Variants in PAOX observed in about 807,000 individuals in gnomAD.
PAOX encodes peroxisomal N(1)-acetyl-spermine/spermidine oxidase.
A neutral mutation model predicts 39.0 loss-of-function variants in PAOX; 38 were observed. The ratio of observed to expected loss-of-function variants is 0.97; its 90% CI spans 0.75 to 1.28. The LOEUF (loss-of-function observed/expected upper bound fraction) is 1.28. Among genes scored for constraint, PAOX ranks in the 50% most tolerant of loss-of-function variants. The pLI is 0.00. For synonymous variants in PAOX, 311 were observed against 314.4 expected (o/e 0.99, Z 0.11); for missense variants, 667 against 685.7 (o/e 0.97, Z 0.30).
chr10:133,383,887 C>T (rs948951334), intron 3 of PAOX, 73 bp from the exon 4 acceptor site: 15 of 1,518,338 alleles, frequency 9.9e-6, no homozygotes, highest in African/African-American at 1.4e-5. Flanking sequence ...ATTGCTGGAT[C>T]CAAGGTCTGG....
At chr10:133,385,331 T>C (rs1425379808) in intron 4 of PAOX, among the ~76,000 whole-genome samples, 2 of 151,016 alleles carry the variant, frequency 1.3e-5, no homozygotes, top group Non-Finnish European at 1.5e-5. Flanking sequence ...ATTCCAGGTG[T>C]TGAGATAGGC....
chr10:133,391,313 T>A lies in PAOX; in HGVS notation c.1394T>A (p.Leu465His). Reference sequence around the variant, plus strand: ...TCTAACCCTGGCTCTTCTTTGCAGCTCCAGATCCTGTTTGCGGGGGAAGCC... The same window carrying A: ...TCTAACCCTGGCTCTTCTTTGCAGCACCAGATCCTGTTTGCGGGGGAAGCC... ...PLPADGAGAQ[L>H]QILFAGEATH... is the part of the protein sequence containing the mutation. The change falls in exon 7 of 7, where the codon CTC (leucine) becomes CAC (histidine). Residue 465 changes from leucine (L) to histidine (H), a missense_variant and splice_region_variant. Coordinates refer to ENST00000278060, the MANE Select transcript of PAOX (RefSeq NM_152911.4). 6.2e-7 allele frequency: 1 copy of A among 1,613,508 alleles called. No individual in the cohort carries two copies.
In PAOX at chr10:133,391,473, T is replaced by G. The variant is rs1416869550; in HGVS notation, c.*18T>G. ...GGCTCTAGCTGGGCCCAGCCTACTC[T>G]GTTCCACCCGTGTCGGGGGTAGGCT... On this transcript the variant is annotated 3_prime_UTR_variant, in exon 7 of 7. Transcript: ENST00000278060. 1 of 1,598,672 alleles carries G rather than the reference T, an allele frequency of 6.3e-7. No homozygotes were observed. The highest frequency in any genetic ancestry group is 8.5e-7 in the Non-Finnish European group (1 of 1,172,090).
At chr10:133,381,966 T>C (rs907069793) in intron 3 of PAOX, among the ~76,000 whole-genome samples, 1 of 139,008 alleles carries the variant, frequency 7.2e-6, no homozygotes, top group African/African-American at 2.6e-5. Context: ...GGAAAAGGCA[T>C]GAAAGGCCTG....
chr10:133,390,825 C>T lies in PAOX; in HGVS notation c.1393-487C>T. 2 of 495,752 alleles carry T rather than the reference C, an allele frequency of 4.0e-6. 1 individual carries two copies. 30.7% of individuals were successfully genotyped at this position (495,752 alleles called of 1,614,324 possible). On this transcript the variant is annotated intron_variant, in intron 6 of 6. Transcript: ENST00000278060. ...CTCTGCCCACCCGACTCCCAGATCC[C>T]TCCCCCACCCTCCCCATATGTGATC...
intron 4 of PAOX, among the ~76,000 whole-genome samples, chr10:133,386,101 T>C (rs894173009): frequency 2.0e-5 from 3 of 150,994 alleles, no homozygotes; most frequent in Non-Finnish European, 4.4e-5. Context: ...CTCAGCTCAC[T>C]GCAACCTCTG....
rs59249557 is a variant in PAOX, at chr10:133,390,410, CCACACACACA to C, written c.1392+690_1392+699del. On this transcript the variant is annotated intron_variant, in intron 6 of 6. Transcript: ENST00000278060. ...TGGGCAACATAGTGAGAGTCGGTCT[CCACACACACA>C]CACACACACACACACACACACACAC... is the stretch of plus-strand genomic sequence containing the variant. Among the ~76,000 whole-genome samples the C allele has an allele frequency of 8.0e-3, 1,159 of 145,412 alleles. 14 individuals are homozygous for C. The highest frequency in any genetic ancestry group is 0.027 in the African/African-American group (1,079 of 39,432).
At position 133,391,398 on chromosome 10, in the gene PAOX, C is replaced by T. The variant is rs3827684; in HGVS notation, c.1479C>T (p.Ala493=). Residue 493 remains alanine, a synonymous_variant, in exon 7 of 7, where the codon GCC becomes GCT. Transcript: ENST00000278060. ...HGALLSGWRE[A]DRLLSLWAPQ... ...CTCTGCTGTCGGGATGGAGGGAGGC[C>T]GACCGCCTCCTCAGTCTGTGGGCCC... The T allele has an allele frequency of 2.0e-5, 33 of 1,613,106 alleles. No individual in the cohort carries two copies. In the East Asian group the frequency reaches 2.5e-4, roughly 12 times the overall value.
chr10:133,380,093 G>A lies in PAOX; in HGVS notation c.276G>A (p.Glu92=), dbSNP rs143486000. The A allele has an allele frequency of 8.6e-5, 133 of 1,553,468 alleles. No individual in the cohort carries two copies. The highest frequency in any genetic ancestry group is 5.0e-4 in the Admixed American group (27 of 53,544). ...CTGCTGAGTACGGGCTGCTGGGGGA[G>A]AAGGAGCTGTCCCAGGAGAACCAGC... is the stretch of plus-strand genomic sequence containing the variant. The part of the protein sequence containing the change: ...QLAAEYGLLG[E]KELSQENQLV... The change falls in exon 2 of 7, where the codon GAG becomes GAA. Residue 92 remains glutamate, a synonymous_variant. Coordinates refer to ENST00000278060, the MANE Select transcript of PAOX (RefSeq NM_152911.4).
rs149925799 is a variant in PAOX at position 133,380,047 on chromosome 10, G to T, written c.230G>T (p.Gly77Val). 1.1e-4 allele frequency: 173 copies of T among 1,525,368 alleles called. 1 individual carries two copies. In the African/African-American group the frequency reaches 2.2e-3, roughly 19 times the overall value. The allele number at this position is 1,525,368 out of a possible 1,614,324, so 94.5% of individuals were successfully genotyped here. The change falls in exon 2 of 7, where the codon GGT becomes GTT. Residue 77 changes from glycine (G) to valine (V), a missense_variant. Transcript: ENST00000278060. The part of the protein sequence containing the change: ...GAHWIHGPSR[G>V]NPVFQLAAEY... ...CACTGGATCCATGGGCCCTCCCGGG[G>T]TAACCCCGTCTTCCAGCTGGCTGCT...
At position 133,380,099 on chromosome 10, in the gene PAOX, G is replaced by C. The variant is rs563058344; in HGVS notation, c.282G>C (p.Glu94Asp). Residue 94 changes from glutamate (E) to aspartate (D), a missense_variant, in exon 2 of 7, where the codon GAG becomes GAC. By Grantham distance (45) the Glu-to-Asp change is conservative. Coordinates refer to ENST00000278060, the MANE Select transcript of PAOX (RefSeq NM_152911.4). ...AGTACGGGCTGCTGGGGGAGAAGGA[G>C]CTGTCCCAGGAGAACCAGCTGGTGG... is the stretch of plus-strand genomic sequence containing the variant. ...AAEYGLLGEK[E>D]LSQENQLVET... The C allele has an allele frequency of 5.1e-6, 8 of 1,557,214 alleles. No individual in the cohort carries two copies. The highest frequency in any genetic ancestry group is 6.1e-6 in the Non-Finnish European group (7 of 1,152,296).
intron 4 of PAOX, 139 bp from the exon 5 acceptor site, chr10:133,388,817 C>T (rs1418221575): frequency 6.6e-6 from 5 of 759,930 alleles, no homozygotes; most frequent in South Asian, 6.4e-5. Flanking sequence ...CTGGGCTGGA[C>T]ACTGTCATCC....
In PAOX at chr10:133,389,744, C is replaced by G. The variant is rs748507464; in HGVS notation, c.1389C>G (p.Ala463=). ...CCCTCCCTGCAGACGGCGCCGGCGC[C>G]CAGGTATGTGGCGTGCCCCAGTCGG... ...AQPLPADGAG[A]QLQILFAGEA... The change falls in exon 6 of 7, where the codon GCC becomes GCG. Residue 463 remains alanine (A), a synonymous_variant. Coordinates refer to ENST00000278060, the MANE Select transcript of PAOX (RefSeq NM_152911.4). 2.6e-6 allele frequency: 4 copies of G among 1,536,800 alleles called. No individual in the cohort carries two copies. The highest frequency in any genetic ancestry group is 2.6e-6 in the Non-Finnish European group (3 of 1,141,130).
intron 5 of PAOX, 81 bp from the exon 6 acceptor site, chr10:133,389,509 T>G: frequency 6.3e-7 from 1 of 1,584,880 alleles, no homozygotes. Context: ...GTTAAACTGC[T>G]CAATCTTTAA....
Position 133,384,482 on chromosome 10 carries a change from G to C in PAOX, c.1121+270G>C, listed in dbSNP as rs1437634002. Among the ~76,000 whole-genome samples, 1 of 152,196 alleles carries C rather than the reference G, an allele frequency of 6.6e-6. No individual in the cohort carries two copies. Among genetic ancestry groups the C allele is most frequent in the Non-Finnish European group, 1.5e-5 (1 of 68,038 alleles). On this transcript the variant is annotated intron_variant, in intron 4 of 6. Coordinates refer to ENST00000278060, the MANE Select transcript of PAOX (RefSeq NM_152911.4). This position sits in a 1 kb window ranked among gnomAD's most constrained non-coding sequence, Gnocchi z 4.3. ...CAGGCAGGCTCAGTCTTCAGTCAGT[G>C]GGAACGTGTTTACTGGAATGTTGCA...
At position 133,389,606 on chromosome 10, in the gene PAOX, C is replaced by G. The variant is rs143081327; in HGVS notation, c.1251C>G (p.Pro417=). ...GTGGCTCAGGAAACCCACGGCTCCC[C>G]GCGCCCAAGAGCGTCCTGCGGTCTC... The part of the protein sequence containing the change: ...LRRVTGNPRL[P]APKSVLRSRW... The change falls in exon 6 of 7, where the codon CCC becomes CCG. Residue 417 remains proline (P), a synonymous_variant. Transcript: ENST00000278060. The G allele has an allele frequency of 6.2e-6, 10 of 1,613,794 alleles. No individual in the cohort carries two copies. Among genetic ancestry groups the G allele is most frequent in the Non-Finnish European group, 8.5e-6 (10 of 1,180,016 alleles).
chr10:133,386,764 G>A (rs950799154), intron 4 of PAOX, among the ~76,000 whole-genome samples: 2 of 152,204 alleles, frequency 1.3e-5, no homozygotes, highest in Non-Finnish European at 2.9e-5. Flanking sequence ...GTGAGCTACT[G>A]CGCCCGGCCA....
intron 2 of PAOX, 59 bp downstream of exon 2, chr10:133,380,544 G>A (rs1849338196): frequency 2.0e-6 from 3 of 1,513,196 alleles, no homozygotes; most frequent in Non-Finnish European, 1.8e-6. Context: ...GGGCACCGGG[G>A]CTGGCTGAGC....
At chr10:133,382,378 C>T (rs573073063) in intron 3 of PAOX, among the ~76,000 whole-genome samples, 51 of 152,290 alleles carry the variant, frequency 3.3e-4, no homozygotes, top group East Asian at 1.2e-3. Context: ...CAGGAGCCTC[C>T]GCAGCCCTAA....
Sources: gnomAD v4.1 joint callset for allele counts (sites outside exome capture counted in the v4.1 genomes callset) on GRCh38, gnomAD v4.1.1 for gene constraint, Gnocchi (gnomAD v3.1) non-coding constraint, MANE v1.5 for transcripts, NCBI Gene and HGNC (gene_info 2026-07-23, HGNC 2026-07-21) for gene names.